The following HGSNAT variants were observed in gnomAD, a reference collection of about 807,000 sequenced individuals.
The protein encoded by HGSNAT is heparan-alpha-glucosaminide N-acetyltransferase.
Under a neutral mutation model 85.2 loss-of-function variants are expected in HGSNAT, and 59 were observed. The observed-to-expected ratio is 0.69, with a 90% confidence interval of 0.56 to 0.86. HGSNAT has a LOEUF of 0.86. Among genes scored for constraint, HGSNAT ranks in the 40% least tolerant of loss-of-function variants. The pLI is 0.00. For missense variants in HGSNAT, 756 were observed against 777.1 expected (o/e 0.97, Z 0.32); for synonymous variants, 321 against 304.5 (o/e 1.05, Z -0.56).
At position 43,199,559 on chromosome 8, in the gene HGSNAT, G is replaced by A; in HGVS notation, c.1898G>A (p.Trp633Ter). 1.3e-6 allele frequency: 2 copies of A among 1,533,546 alleles called. No individual in the cohort carries two copies. The highest frequency in any genetic ancestry group is 1.3e-5 in the South Asian group (1 of 77,974). The allele number at this position is 1,533,546 out of a possible 1,614,324, so 95.0% of individuals were successfully genotyped here. Residue 633 changes from tryptophan to a stop codon, truncating the protein, a stop_gained, in exon 18 of 18, where the codon TGG becomes TAG. Coordinates refer to ENST00000379644, the MANE Select transcript of HGSNAT (RefSeq NM_152419.3). LOFTEE classifies it high-confidence loss of function. The stretch of plus-strand genomic sequence containing the variant: ...ATCCTCTATAGAAAGAAGATTTTTT[G>A]GAAAATCTGATGGCTCCCACTGAGA... ...AYILYRKKIF[W>*]KI
Position 43,146,909 on chromosome 8 carries a change from C to G in HGSNAT, c.119-39C>G, listed in dbSNP as rs1224956492. 5 of 1,035,616 alleles carry G rather than the reference C, an allele frequency of 4.8e-6. No individual in the cohort carries two copies. In the East Asian group the frequency reaches 1.3e-4, roughly 27 times the overall value. The allele number at this position is 1,035,616 out of a possible 1,614,324, so 64.2% of individuals were successfully genotyped here. On this transcript the variant is annotated intron_variant, in intron 1 of 17. Transcript: ENST00000379644. ...TGTCTCTAACACATCTTTCGGGTGC[C>G]TTTTTTTTTTTTTTTTAACTTTTCC...
chr8:43,144,409 G>C (rs1359747851), intron 1 of HGSNAT, among the ~76,000 whole-genome samples: 3 of 152,070 alleles, frequency 2.0e-5, no homozygotes, highest in Non-Finnish European at 4.4e-5. Context: ...GATGTGGCCT[G>C]GATCACTGTA....
chr8:43,196,878 C>T, intron 14 of HGSNAT, 70 bp from the exon 15 acceptor site: 1 of 937,396 alleles, frequency 1.1e-6, no homozygotes, highest in Non-Finnish European at 1.7e-6. Context: ...GTAGTTAAGA[C>T]AGTGGATTAA....
At chr8:43,190,182 C>T (rs532560881) in intron 11 of HGSNAT, among the ~76,000 whole-genome samples, 1 of 152,304 alleles carries the variant, frequency 6.6e-6, no homozygotes, top group South Asian at 2.1e-4. Context: ...TCCTCTCTTA[C>T]TATAAATTGC....
intron 14 of HGSNAT, among the ~76,000 whole-genome samples, chr8:43,195,655 T>TGGAGGAGGAGGAGGGAGTGGA (rs144111342): frequency 1.5e-5 from 1 of 67,558 alleles, no homozygotes; most frequent in African/African-American, 6.3e-5. Context: ...GAGGAGGGGC[T>TGGAGGAGGAGGAGGGAGTGGA]GGAGGAGGAG....
chr8:43,196,997 T>C lies in HGSNAT; in HGVS notation c.1514T>C (p.Ile505Thr). The C allele has an allele frequency of 6.2e-7, 1 of 1,612,108 alleles. No individual in the cohort carries two copies. The highest frequency in any genetic ancestry group is 8.5e-7 in the Non-Finnish European group (1 of 1,178,286). The change falls in exon 15 of 18, where the codon ATT becomes ACT. Residue 505 changes from isoleucine to threonine, a missense_variant. Coordinates refer to ENST00000379644, the MANE Select transcript of HGSNAT (RefSeq NM_152419.3). ...YYKARTKDIL[I>T]RFTAWCCILG... ...AAGGCTCGGACCAAAGACATCCTGA[T>C]TCGATTCACTGCTTGGTGTTGTATT...
chr8:43,184,088 A>G (rs1466465233), intron 11 of HGSNAT, among the ~76,000 whole-genome samples: 8 of 152,228 alleles, frequency 5.3e-5, no homozygotes, highest in Non-Finnish European at 8.8e-5. Context: ...TAGTGCTGCA[A>G]TAAACATACG....
chr8:43,179,637 A>G (rs1803971253), intron 10 of HGSNAT, among the ~76,000 whole-genome samples: 3 of 26,892 alleles, frequency 1.1e-4, no homozygotes, highest in Admixed American at 7.0e-4. Context: ...CACCTCCCGG[A>G]CGGGGCGACT....
chr8:43,142,177 GT>G (rs1210937286), intron 1 of HGSNAT, among the ~76,000 whole-genome samples: 1 of 152,170 alleles, frequency 6.6e-6, no homozygotes. Context: ...GGAAATAAAG[GT>G]GTAATACACA....
At chr8:43,194,302 G>A (rs753571602) in intron 14 of HGSNAT, 3 of 709,508 alleles carry the variant, frequency 4.2e-6, no homozygotes, top group Non-Finnish European at 5.2e-6. Context: ...GGGAGCTGAG[G>A]TAGGAGTATG....
At chr8:43,169,276 T>G in intron 6 of HGSNAT, 34 bp downstream of exon 6, 1 of 1,379,738 alleles carries the variant, frequency 7.2e-7, no homozygotes, top group Non-Finnish European at 1.0e-6. Flanking sequence ...ATTGCCCAGG[T>G]GGTTTTCTAA....
At chr8:43,164,231 A>G (rs1803358880) in intron 5 of HGSNAT, among the ~76,000 whole-genome samples, 1 of 152,216 alleles carries the variant, frequency 6.6e-6, no homozygotes, top group South Asian at 2.1e-4. Flanking sequence ...AAGATTGGCC[A>G]TGTGTCGACA....
At chr8:43,195,655 T>TGGAGGAGGAGGAGGGAGA (rs144111342) in intron 14 of HGSNAT, among the ~76,000 whole-genome samples, 1 of 67,560 alleles carries the variant, frequency 1.5e-5, no homozygotes, top group Non-Finnish European at 2.7e-5. Flanking sequence ...GAGGAGGGGC[T>TGGAGGAGGAGGAGGGAGA]GGAGGAGGAG....
rs1426514632 is a variant in HGSNAT at position 43,170,622 on chromosome 8, G to A, written c.671G>A (p.Gly224Asp). 1.2e-6 allele frequency: 2 copies of A among 1,610,378 alleles called. No individual in the cohort carries two copies. The highest frequency in any genetic ancestry group is 2.2e-5 in the South Asian group (2 of 89,990). ...GSPSRTDPLD[G>D]DVQPATWRLS... ...CCCAGCAGGACAGACCCTCTCGATGGTGATGTTCAGCCAGCAACGTGGCGT... is the reference window on the plus strand; with the variant it reads ...CCCAGCAGGACAGACCCTCTCGATGATGATGTTCAGCCAGCAACGTGGCGT... The change falls in exon 7 of 18, where the codon GGT (glycine) becomes GAT (aspartate). Residue 224 changes from glycine (G) to aspartate (D), a missense_variant. Coordinates refer to ENST00000379644, the MANE Select transcript of HGSNAT (RefSeq NM_152419.3).
intron 15 of HGSNAT, 107 bp from the exon 16 acceptor site, chr8:43,197,565 T>C (rs1804765940): frequency 1.3e-6 from 1 of 796,160 alleles, no homozygotes; most frequent in Admixed American, 2.3e-5. Context: ...GGCACAAGTT[T>C]CAGCCCTCTC....
intron 5 of HGSNAT, among the ~76,000 whole-genome samples, chr8:43,165,531 C>T (rs781147021): frequency 3.9e-5 from 6 of 152,164 alleles, no homozygotes; most frequent in Non-Finnish European, 8.8e-5. Context: ...AAAGGCATGT[C>T]GAGAGCCATG....
At chr8:43,159,949 G>A (rs889555114) in intron 4 of HGSNAT, among the ~76,000 whole-genome samples, 1 of 152,116 alleles carries the variant, frequency 6.6e-6, no homozygotes, top group Admixed American at 6.6e-5. Flanking sequence ...AGACTATGAG[G>A]TTATATCAAA....
Position 43,140,583 on chromosome 8 carries a change from G to C in HGSNAT, c.87G>C (p.Ser29=), listed in dbSNP as rs1461385635. The change falls in exon 1 of 18, where the codon TCG becomes TCC. Residue 29 remains serine (S), a synonymous_variant. Transcript: ENST00000379644. ...CGCTGCTGGCCCCCGGCGGCTCTTC[G>C]GGGCGCGATGCCCAGGCCGCGCCGC... ...SAALLAPGGS[S]GRDAQAAPPR... 21 of 1,232,018 alleles carry C rather than the reference G, an allele frequency of 1.7e-5. No homozygotes were observed. Among genetic ancestry groups the C allele is most frequent in the Middle Eastern group, 6.5e-4 (2 of 3,100 alleles). 76.3% of individuals were successfully genotyped at this position (1,232,018 alleles called of 1,614,324 possible).
At chr8:43,193,303 CA>C (rs1477039694) in intron 13 of HGSNAT, among the ~76,000 whole-genome samples, 4 of 152,156 alleles carry the variant, frequency 2.6e-5, no homozygotes, top group African/African-American at 9.7e-5. Context: ...TCTGCAGTAA[CA>C]TTTATTTTAT....
Sources: gnomAD v4.1 joint callset for allele counts (sites outside exome capture counted in the v4.1 genomes callset) on GRCh38, gnomAD v4.1.1 for gene constraint, MANE v1.5 for transcripts, NCBI Gene and HGNC (gene_info 2026-07-23, HGNC 2026-07-21) for gene names.